Variants in LMNA observed in about 807,000 individuals in gnomAD.
The protein encoded by LMNA is lamin.
A neutral mutation model predicts 70.4 loss-of-function variants in LMNA; 20 were observed. The ratio of observed to expected loss-of-function variants is 0.28; its 90% confidence interval spans 0.20 to 0.41. The LOEUF (loss-of-function observed/expected upper bound fraction) is 0.41, where lower values mean the gene tolerates loss of function less well. Ranked by LOEUF, LMNA falls within the 10% of genes least tolerant of loss-of-function variation. The pLI, the probability that LMNA is intolerant of heterozygous loss-of-function variation, is 1.00. For synonymous variants in LMNA, 339 were observed against 372.8 expected, an observed-to-expected ratio of 0.91 and a Z score of 1.04; for missense variants, 652 against 917.2, an observed-to-expected ratio of 0.71 and a Z score of 3.73.
At position 156,084,340 on chromosome 1, in the gene LMNA, G is replaced by C. The variant is rs1172795144; in HGVS notation, c.-319+1156G>C. ...GATCTCAGAAGGTCGGGGGGTGGTG[G>C]GGGCAGTTGGCACACTGCAGGGATT... On this transcript the variant is annotated intron_variant, in intron 2 of 12. Transcript: ENST00000368301. Among the ~76,000 whole-genome samples the C allele has an allele frequency of 1.6e-5, 2 of 126,100 alleles. 1 individual carries two copies. The highest frequency in any genetic ancestry group is 1.6e-4 in the Admixed American group (2 of 12,686). 82.7% of individuals were successfully genotyped at this position (126,100 alleles called of 152,430 possible). A position where few individuals can be genotyped will look rare whatever the true frequency, so the allele number is the denominator to read the frequency against.
At chr1:156,085,175 G>A (rs528623151) in intron 2 of LMNA, among the ~76,000 whole-genome samples, 11 of 152,384 alleles carry the variant, frequency 7.2e-5, no homozygotes, top group Admixed American at 2.0e-4. Flanking sequence ...GCAGTTAGGT[G>A]TGTGGCATGG....
chr1:156,093,299 ATTTTTTTTT>A (rs758670532), intron 3 of LMNA, among the ~76,000 whole-genome samples: 1 of 113,944 alleles, frequency 8.8e-6, no homozygotes, highest in Non-Finnish European at 1.7e-5. Flanking sequence ...TTATATGTCA[ATTTTTTTTT>A]TTTTTTTTTT....
chr1:156,091,520 T>C lies in LMNA; in HGVS notation c.-207+938T>C, dbSNP rs143006148. Among the ~76,000 whole-genome samples, 836 of 152,232 alleles carry C rather than the reference T, an allele frequency of 5.5e-3. 9 individuals are homozygous for C. The highest frequency in any genetic ancestry group is 0.018 in the African/African-American group (766 of 41,532). On this transcript the variant is annotated intron_variant, in intron 3 of 12. Transcript: ENST00000368301. ...AGGAGGCTGAGGCAGGAGAATCTCT[T>C]GAACCTGGGAGACAGAGGTTGCGGT... is the stretch of plus-strand genomic sequence containing the variant.
chr1:156,103,985 A>C lies in LMNA; in HGVS notation c.-206-10728A>C, dbSNP rs370511751. ...TCCATTCTTCAGCACACCCTCCCTC[A>C]TCATATCCACACTCCTTGGCTCCCC... On this transcript the variant is annotated intron_variant, in intron 3 of 12. Transcript: ENST00000368301. The surrounding 1 kb of genome is among the most constrained non-coding windows in gnomAD (Gnocchi z 4.7). 8.6e-4 allele frequency among the ~76,000 whole-genome samples: 130 copies of C among 152,002 alleles called. 2 individuals carry two copies. In the Middle Eastern group the frequency reaches 0.017, roughly 20 times the overall value.
At chr1:156,105,315 G>T (rs1404129292) in intron 3 of LMNA, among the ~76,000 whole-genome samples, 1 of 152,176 alleles carries the variant, frequency 6.6e-6, no homozygotes, top group Non-Finnish European at 1.5e-5. Context: ...TCCCAGCTCT[G>T]AAGTTCTACT....
chr1:156,127,523 T>G (rs1431600000), intron 1 of LMNA, among the ~76,000 whole-genome samples: 56 of 136,874 alleles, frequency 4.1e-4, no homozygotes, highest in Middle Eastern at 3.5e-3. Flanking sequence ...TTTTTTTTTT[T>G]TTTTTTTTTT....
intron 1 of LMNA, among the ~76,000 whole-genome samples, chr1:156,125,482 G>T (rs927709832): frequency 2.6e-5 from 4 of 152,150 alleles, no homozygotes; most frequent in African/African-American, 9.7e-5. Context: ...GAGGTCAGGA[G>T]TTCAAGACCA....
Position 156,136,412 on chromosome 1 carries a change from C to A in LMNA, c.1356C>A (p.Val452=), listed in dbSNP as rs1572364681. ...VEEVDEEGKF[V]RLRNKSNEDQ... ...AGGTGGATGAGGAGGGCAAGTTTGT[C>A]CGGCTGCGCAACAAGTCCAATGAGG... The change falls in exon 7 of 12, where the codon GTC becomes GTA. Residue 452 remains valine (V), a synonymous_variant. Coordinates refer to ENST00000368300, the MANE Select transcript of LMNA (RefSeq NM_170707.4). This position sits in a 1 kb window ranked among gnomAD's most constrained non-coding sequence, Gnocchi z 6.1. 1.3e-6 allele frequency: 2 copies of A among 1,594,950 alleles called. No homozygotes were observed. Among genetic ancestry groups the A allele is most frequent in the East Asian group, 4.6e-5 (2 of 43,796 alleles).
Position 156,114,813 on chromosome 1 carries a change from A to C in LMNA, c.-106A>C. 2 of 770,382 alleles carry C rather than the reference A, an allele frequency of 2.6e-6. No individual in the cohort carries two copies. The highest frequency in any genetic ancestry group is 4.0e-6 in the Non-Finnish European group (2 of 500,090). 47.7% of individuals were successfully genotyped at this position (770,382 alleles called of 1,614,324 possible). On this transcript the variant is annotated 5_prime_UTR_variant, in exon 1 of 12. Coordinates refer to ENST00000368300, the MANE Select transcript of LMNA (RefSeq NM_170707.4). ...GCCTGCCAGGAGCAAGCCGAGAGCC[A>C]GCCGGCCGGCGCACTCCGACTCCGA...
chr1:156,083,151 C>T (rs981557296), exon 2 of LMNA: 2 of 152,530 alleles, frequency 1.3e-5, no homozygotes, highest in South Asian at 2.1e-4. Flanking sequence ...CCCGCCCCCC[C>T]AGTCTCGGAG....
At chr1:156,130,448 G>A (rs1035777075) in intron 1 of LMNA, among the ~76,000 whole-genome samples, 169 bp from the exon 2 acceptor site, 7 of 151,754 alleles carry the variant, frequency 4.6e-5, no homozygotes, top group African/African-American at 7.3e-5. Flanking sequence ...GGAGGTGGGA[G>A]CCCAGCCCCA....
rs1648431548 is a variant in LMNA, at chr1:156,085,204, T to C, written c.-319+2020T>C. 2.0e-5 allele frequency among the ~76,000 whole-genome samples: 3 copies of C among 152,244 alleles called. No homozygotes were observed. In the South Asian group the frequency reaches 6.2e-4, roughly 31 times the overall value. ...GGCATGGTGTACATGTGAGAGTGTG[T>C]GCTGCAGATCATGTAGGAGAGTGCC... On this transcript the variant is annotated intron_variant, in intron 2 of 12. Coordinates refer to the LMNA transcript ENST00000368301.
At chr1:156,114,374 G>T (rs117050667), upstream of LMNA, among the ~76,000 whole-genome samples, 1 of 151,930 alleles carries the variant, frequency 6.6e-6, no homozygotes, top group Non-Finnish European at 1.5e-5. Context: ...CTTGCTTTGC[G>T]CCCACTTCCC....
At chr1:156,122,254 G>A (rs1650239716) in intron 1 of LMNA, among the ~76,000 whole-genome samples, 1 of 152,152 alleles carries the variant, frequency 6.6e-6, no homozygotes, top group Non-Finnish European at 1.5e-5. Context: ...GTGACCTTGA[G>A]CAAATCGCCT....
intron 2 of LMNA, among the ~76,000 whole-genome samples, chr1:156,089,950 T>C (rs1224827143): frequency 1.3e-5 from 2 of 151,206 alleles, no homozygotes; most frequent in South Asian, 2.1e-4. Context: ...TGACAGTTGG[T>C]CCCCAGATTC....
intron 1 of LMNA, among the ~76,000 whole-genome samples, chr1:156,119,444 G>C (rs1399946065): frequency 6.6e-6 from 1 of 152,046 alleles, no homozygotes; most frequent in South Asian, 2.1e-4. Context: ...TGTAGAGATG[G>C]GGTTTCACCG....
At chr1:156,096,032 G>T (rs1445740145) in intron 3 of LMNA, among the ~76,000 whole-genome samples, 2 of 152,222 alleles carry the variant, frequency 1.3e-5, no homozygotes, top group Non-Finnish European at 2.9e-5. Flanking sequence ...CTCCCTGAGA[G>T]TGATGCTGAG....
chr1:156,123,054 G>C (rs1168550654), intron 1 of LMNA: 1 of 152,264 alleles, frequency 6.6e-6, no homozygotes, highest in Non-Finnish European at 1.5e-5. Flanking sequence ...AGAGTGGAGA[G>C]TGGACAGGAG....
Position 156,136,793 on chromosome 1 carries a change from C to A in LMNA, c.1381-128C>A. 1 of 786,762 alleles carries A rather than the reference C, an allele frequency of 1.3e-6. No individual in the cohort carries two copies. Among genetic ancestry groups the A allele is most frequent in the Non-Finnish European group, 2.2e-6 (1 of 458,548 alleles). The allele number at this position is 786,762 out of a possible 1,614,324, so 48.7% of individuals were successfully genotyped here. A position where few individuals can be genotyped will look rare whatever the true frequency, so the allele number is the denominator to read the frequency against. On this transcript the variant is annotated intron_variant, in intron 7 of 11. Coordinates refer to ENST00000368300, the MANE Select transcript of LMNA (RefSeq NM_170707.4). This position sits in a 1 kb window ranked among gnomAD's most constrained non-coding sequence, Gnocchi z 6.1. ...ATTATCCCCGGGGGAAGGGCAGTGA[C>A]AGGGGTGTGTGTAGATGGAAGGAGA...
Sources: allele counts gnomAD v4.1 joint callset (sites outside exome capture counted in the v4.1 genomes callset), GRCh38; gene constraint gnomAD v4.1.1; non-coding constraint Gnocchi (gnomAD v3.1); transcripts MANE v1.5; gene names NCBI Gene and HGNC (gene_info 2026-07-23, HGNC 2026-07-21).